The following PDE4D variants were observed in gnomAD, a reference collection of about 807,000 sequenced individuals.
PDE4D encodes the protein 3',5'-cyclic-AMP phosphodiesterase 4D.
In PDE4D, 24 loss-of-function variants were observed where a neutral mutation model predicts 87.4. The ratio of observed to expected loss-of-function variants is 0.27; its 90% CI spans 0.20 to 0.39. The LOEUF (loss-of-function observed/expected upper bound fraction) is 0.39. Among genes scored for constraint, PDE4D ranks in the 10% least tolerant of loss-of-function variants. The pLI, the probability that PDE4D is intolerant of heterozygous loss-of-function variation, is 1.00. For synonymous variants in PDE4D, 384 were observed against 383.2 expected, an observed-to-expected ratio of 1.00 and a Z score of -0.02; for missense variants, 714 against 1,041.0, an observed-to-expected ratio of 0.69 and a Z score of 4.32.
chr5:60,054,011 T>A (rs551288890), intron 2 of PDE4D, among the ~76,000 whole-genome samples: 14 of 152,082 alleles, frequency 9.2e-5, no homozygotes, highest in Non-Finnish European at 2.1e-4. Flanking sequence ...GTTAGAATGG[T>A]GATAATTAAA....
chr5:60,089,927 T>A (rs1774947879), intron 2 of PDE4D, among the ~76,000 whole-genome samples: 1 of 147,490 alleles, frequency 6.8e-6, no homozygotes, highest in African/African-American at 2.5e-5. Context: ...CTAAAAGAAA[T>A]GGATGAATTT....
At chr5:60,453,792 T>C (rs1457147143) in intron 1 of PDE4D, among the ~76,000 whole-genome samples, 3 of 152,138 alleles carry the variant, frequency 2.0e-5, no homozygotes, top group Non-Finnish European at 4.4e-5. Flanking sequence ...AGCTTGTTTG[T>C]CATAGTTCTT....
At chr5:60,432,203 G>A (rs1244686609) in intron 1 of PDE4D, among the ~76,000 whole-genome samples, 1 of 152,160 alleles carries the variant, frequency 6.6e-6, no homozygotes, top group Non-Finnish European at 1.5e-5. Flanking sequence ...CAAGGATATT[G>A]GTCTGAAGTT....
At chr5:59,374,073 ACACTG>A (rs1175749817) in intron 1 of PDE4D, among the ~76,000 whole-genome samples, 1 of 152,250 alleles carries the variant, frequency 6.6e-6, no homozygotes, top group African/African-American at 2.4e-5. Flanking sequence ...CTACAAAAAC[ACACTG>A]AAGTGTACAG....
chr5:59,023,612 C>T (rs367781839), intron 6 of PDE4D, among the ~76,000 whole-genome samples: 49 of 152,142 alleles, frequency 3.2e-4, no homozygotes, highest in African/African-American at 8.4e-4. Flanking sequence ...GCCATGATGG[C>T]GCCACTGCAC....
intron 5 of PDE4D, among the ~76,000 whole-genome samples, chr5:59,128,618 G>T (rs1339337758): frequency 6.6e-6 from 1 of 152,174 alleles, no homozygotes; most frequent in South Asian, 2.1e-4. Context: ...CATTTCGCTT[G>T]ATGATGGAAT....
intron 2 of PDE4D, among the ~76,000 whole-genome samples, chr5:60,025,932 A>C (rs1280641168): frequency 6.6e-6 from 1 of 152,158 alleles, no homozygotes; most frequent in Non-Finnish European, 1.5e-5. Context: ...TTTATTTTTT[A>C]TACTTAACAA....
intron 5 of PDE4D, among the ~76,000 whole-genome samples, chr5:59,060,593 A>C (rs549579127): frequency 6.2e-4 from 95 of 152,232 alleles, no homozygotes; most frequent in African/African-American, 2.3e-3. Flanking sequence ...GGTAAATTGC[A>C]TGTCATGGGG....
intron 1 of PDE4D, among the ~76,000 whole-genome samples, chr5:60,374,394 T>C (rs1339515532): frequency 6.6e-6 from 1 of 152,126 alleles, no homozygotes; most frequent in Non-Finnish European, 1.5e-5. Context: ...CAAATCCTCT[T>C]GGGGATTCTT....
At chr5:59,228,469 A>C (rs1487181078) in intron 1 of PDE4D, among the ~76,000 whole-genome samples, 2 of 151,790 alleles carry the variant, frequency 1.3e-5, no homozygotes, top group African/African-American at 2.4e-5. Context: ...GCAAAGAAAA[A>C]TACCCAAGGT....
At chr5:59,142,260 G>A (rs920436137) in intron 5 of PDE4D, among the ~76,000 whole-genome samples, 2 of 152,180 alleles carry the variant, frequency 1.3e-5, no homozygotes, top group South Asian at 2.1e-4. Flanking sequence ...TTCTGTTTAC[G>A]TTAATATTTT....
intron 1 of PDE4D, among the ~76,000 whole-genome samples, chr5:59,372,580 T>G (rs1271290351): frequency 6.6e-6 from 1 of 152,178 alleles, no homozygotes; most frequent in Non-Finnish European, 1.5e-5. Context: ...TCCCCTACCC[T>G]GAGCTATCAC....
chr5:59,676,229 G>T (rs1369623269), intron 1 of PDE4D, among the ~76,000 whole-genome samples: 2 of 152,170 alleles, frequency 1.3e-5, no homozygotes, highest in African/African-American at 4.8e-5. Flanking sequence ...GTCATAAGAG[G>T]TTTTAAGTAA....
intron 3 of PDE4D, among the ~76,000 whole-genome samples, chr5:59,978,935 G>A (rs541940104): frequency 1.3e-5 from 2 of 152,014 alleles, no homozygotes; most frequent in East Asian, 1.9e-4. Context: ...TAGCAATTAA[G>A]TATTTCTTAC....
At chr5:59,061,784 G>A (rs1221656686) in intron 5 of PDE4D, among the ~76,000 whole-genome samples, 1 of 152,156 alleles carries the variant, frequency 6.6e-6, no homozygotes, top group Admixed American at 6.6e-5. Flanking sequence ...TCAGAAATGT[G>A]TTAGCTATCT....
chr5:60,181,631 A>T (rs1313128786), intron 2 of PDE4D, among the ~76,000 whole-genome samples: 2 of 152,364 alleles, frequency 1.3e-5, no homozygotes, highest in African/African-American at 4.8e-5. Flanking sequence ...GAAAATTAAC[A>T]AATCCAATTA....
At chr5:59,183,086 G>A (rs953757044) in intron 4 of PDE4D, among the ~76,000 whole-genome samples, 2 of 152,220 alleles carry the variant, frequency 1.3e-5, no homozygotes, top group Admixed American at 6.5e-5. Context: ...ATCATGTGAT[G>A]AGGCAGAGTT....
intron 2 of PDE4D, among the ~76,000 whole-genome samples, chr5:60,167,341 C>T (rs913280305): frequency 1.5e-4 from 21 of 142,432 alleles, no homozygotes; most frequent in African/African-American, 5.0e-4. Context: ...AATCTCGGCT[C>T]ACTGCAGGCT....
intron 1 of PDE4D, among the ~76,000 whole-genome samples, chr5:59,368,708 CA>C (rs1231938578): frequency 1.3e-5 from 2 of 152,080 alleles, no homozygotes; most frequent in Non-Finnish European, 2.9e-5. Context: ...TATTCTGACT[CA>C]AAACAGGAGA....
Sources: gnomAD v4.1 joint callset for allele counts (sites outside exome capture counted in the v4.1 genomes callset) on GRCh38, gnomAD v4.1.1 for gene constraint, MANE v1.5 for transcripts, NCBI Gene and HGNC (gene_info 2026-07-23, HGNC 2026-07-21) for gene names.